Variants in DOCK2 observed in about 807,000 individuals in gnomAD.
DOCK2 encodes dedicator of cytokinesis protein 2.
Under a neutral mutation model 248.9 loss-of-function variants are expected in DOCK2, and 87 were observed. The ratio of observed to expected loss-of-function variants is 0.35; its 90% CI spans 0.29 to 0.42. The LOEUF (loss-of-function observed/expected upper bound fraction) is 0.42, where lower values mean the gene tolerates loss of function less well. Ranked by LOEUF, DOCK2 falls within the 10% of genes least tolerant of loss-of-function variation. The probability of loss-of-function intolerance (pLI) is 1.00; values close to 1 mark genes in which losing one functional copy is unlikely to be tolerated. For synonymous variants in DOCK2, 805 were observed against 821.6 expected (o/e 0.98, Z 0.35); for missense variants, 1,747 against 2,300.2 (o/e 0.76, Z 4.92).
chr5:169,648,438 C>T (rs1023197155), intron 1 of DOCK2, among the ~76,000 whole-genome samples: 2 of 152,156 alleles, frequency 1.3e-5, no homozygotes, highest in African/African-American at 4.8e-5. Context: ...ATGTCACTGG[C>T]TCGCTAAAAA....
chr5:169,656,527 G>T (rs1561573384), intron 2 of DOCK2, among the ~76,000 whole-genome samples: 1 of 152,106 alleles, frequency 6.6e-6, no homozygotes. Flanking sequence ...TGGCCAGGCT[G>T]GTCTCAAACA....
intron 15 of DOCK2, among the ~76,000 whole-genome samples, chr5:169,708,745 A>G (rs920500015): frequency 1.3e-5 from 2 of 152,042 alleles, no homozygotes; most frequent in Admixed American, 1.3e-4. Flanking sequence ...TTGTGTTTTT[A>G]GTAGAAATGG....
chr5:170,071,311 C>A (rs1757672253), intron 46 of DOCK2, among the ~76,000 whole-genome samples: 1 of 152,186 alleles, frequency 6.6e-6, no homozygotes, highest in Non-Finnish European at 1.5e-5. Context: ...TCCCTGCTCA[C>A]TTGGAGCTTA....
At chr5:169,944,358 G>A (rs1333070113) in intron 27 of DOCK2, among the ~76,000 whole-genome samples, 1 of 152,236 alleles carries the variant, frequency 6.6e-6, no homozygotes. Flanking sequence ...GCAGAGGCAT[G>A]TTCTACCAAA....
intron 27 of DOCK2, among the ~76,000 whole-genome samples, chr5:169,924,822 G>A (rs903387393): frequency 6.6e-6 from 1 of 152,070 alleles, no homozygotes; most frequent in Non-Finnish European, 1.5e-5. Context: ...CTGGCACATG[G>A]GTAGGTAGGC....
At chr5:169,671,282 A>T in intron 5 of DOCK2, 108 bp downstream of exon 5, 1 of 945,366 alleles carries the variant, frequency 1.1e-6, no homozygotes, top group African/African-American at 1.6e-5. Context: ...GGCTTTGGTG[A>T]CATAGCAGAG....
rs1755374125 is a variant in DOCK2, at chr5:170,013,223, G to C, written c.3232+4477G>C. On this transcript the variant is annotated intron_variant, in intron 32 of 51. Transcript: ENST00000520908. ...TCCTAGGGTTGGGGAGAGGCTGCTG[G>C]GAATAAATAGGAAATGGGATTAGTG... 2.0e-5 allele frequency among the ~76,000 whole-genome samples: 3 copies of C among 152,112 alleles called. No individual in the cohort carries two copies. The South Asian group carries it at 6.2e-4, about 32-fold the overall frequency.
At chr5:170,047,457 A>G in intron 39 of DOCK2, 53 bp from the exon 40 acceptor site, 3 of 1,537,266 alleles carry the variant, frequency 2.0e-6, no homozygotes, top group South Asian at 2.3e-5. Context: ...TTTGAGTTGA[A>G]TGTGCCTTTG....
chr5:169,850,988 A>C lies in DOCK2; in HGVS notation c.2799+10136A>C, dbSNP rs146576209. On this transcript the variant is annotated intron_variant, in intron 27 of 51. Coordinates refer to ENST00000520908, the MANE Select transcript of DOCK2 (RefSeq NM_004946.3). ...TCCGGTTGTTCGTTGTCCTTGTTTC[A>C]GTTACAACATTACCACATGTATTGG... Among the ~76,000 whole-genome samples the C allele has an allele frequency of 3.4e-3, 516 of 152,316 alleles. 6 individuals carry two copies. Among genetic ancestry groups the C allele is most frequent in the African/African-American group, 0.012 (503 of 41,564 alleles).
At chr5:169,819,306 A>T (rs1300462465) in intron 26 of DOCK2, among the ~76,000 whole-genome samples, 1 of 151,686 alleles carries the variant, frequency 6.6e-6, no homozygotes, top group Non-Finnish European at 1.5e-5. Context: ...GCAAAACTCC[A>T]TCTCAAACAA....
chr5:169,826,883 A>G (rs246770), intron 26 of DOCK2, among the ~76,000 whole-genome samples: 109,514 of 151,752 alleles, frequency 0.72, 40,284 homozygotes, highest in African/African-American at 0.88. Flanking sequence ...CCCTGTAATA[A>G]CACTGTCAGG....
chr5:169,998,679 G>A (rs565079226), intron 30 of DOCK2, among the ~76,000 whole-genome samples: 1 of 152,308 alleles, frequency 6.6e-6, no homozygotes, highest in East Asian at 1.9e-4. Flanking sequence ...ATGCAAAGTT[G>A]GGACCAGAAC....
At chr5:169,731,373 T>C (rs1762759202) in intron 22 of DOCK2, among the ~76,000 whole-genome samples, 1 of 152,218 alleles carries the variant, frequency 6.6e-6, no homozygotes. Context: ...TGAGATCTGA[T>C]GGTTTTAAAA....
At chr5:170,007,874 C>T (rs1755106354) in intron 30 of DOCK2, among the ~76,000 whole-genome samples, 1 of 152,190 alleles carries the variant, frequency 6.6e-6, no homozygotes, top group Admixed American at 6.5e-5. Context: ...CCCAGAGGTT[C>T]TGATTCAGTA....
intron 1 of DOCK2, among the ~76,000 whole-genome samples, chr5:169,646,048 CT>C (rs1757441551): frequency 6.6e-6 from 1 of 152,174 alleles, no homozygotes. Flanking sequence ...CACGCCCAGC[CT>C]CTTCTAGGGT....
At chr5:169,940,105 C>T (rs955639217) in intron 27 of DOCK2, among the ~76,000 whole-genome samples, 7 of 152,152 alleles carry the variant, frequency 4.6e-5, no homozygotes, top group African/African-American at 1.7e-4. Flanking sequence ...GATTAGGGTC[C>T]CATGGTCCCC....
chr5:169,714,445 GGAAGTGGT>G lies in DOCK2; in HGVS notation c.1934_1941del (p.Val646SerfsTer19). The G allele has an allele frequency of 6.2e-7, 1 of 1,614,052 alleles. No individual in the cohort carries two copies. The highest frequency in any genetic ancestry group is 1.3e-5 in the African/African-American group (1 of 75,030). On this transcript the variant is annotated frameshift_variant, in exon 19 of 52. Coordinates refer to ENST00000520908, the MANE Select transcript of DOCK2 (RefSeq NM_004946.3). LOFTEE classifies it high-confidence loss of function. ...AAAAGTTGAAGATTGTGGATGGAGA[GGAAGTGGT>G]GAAGGTCAGTGGGGCTTCATTTTGA... is the stretch of plus-strand genomic sequence containing the variant.
At chr5:169,715,514 TAA>T (rs1761848854) in intron 19 of DOCK2, among the ~76,000 whole-genome samples, 1 of 152,088 alleles carries the variant, frequency 6.6e-6, no homozygotes, top group East Asian at 1.9e-4. Context: ...ACCACTTTAA[TAA>T]AGTCTATAGC....
intron 27 of DOCK2, among the ~76,000 whole-genome samples, chr5:169,912,975 A>G (rs1231603502): frequency 2.0e-5 from 3 of 152,166 alleles, no homozygotes; most frequent in Admixed American, 2.0e-4. Context: ...ATAATTTTGT[A>G]TAGAATTTTC....
Sources: allele counts gnomAD v4.1 joint callset (sites outside exome capture counted in the v4.1 genomes callset), GRCh38; gene constraint gnomAD v4.1.1; transcripts MANE v1.5; gene names NCBI Gene and HGNC (gene_info 2026-07-23, HGNC 2026-07-21).